DYNC1LI1: variants seen among roughly 807,000 people sequenced by gnomAD.
DYNC1LI1 encodes the protein dynein cytoplasmic 1 light intermediate chain 1, also known as cytoplasmic dynein 1 light intermediate chain 1.
Under a neutral mutation model 63.8 loss-of-function variants are expected in DYNC1LI1, and 19 were observed. The ratio of observed to expected loss-of-function variants is 0.30; its 90% confidence interval spans 0.21 to 0.44. DYNC1LI1 has a LOEUF of 0.44. Ranked by LOEUF, DYNC1LI1 falls within the 20% of genes least tolerant of loss-of-function variation. The pLI, the probability that DYNC1LI1 is intolerant of heterozygous loss-of-function variation, is 1.00. For synonymous variants in DYNC1LI1, 225 were observed against 232.3 expected (o/e 0.97, Z 0.28); for missense variants, 565 against 630.2 (o/e 0.90, Z 1.11).
chr3:32,546,623 C>G (rs535476098), intron 2 of DYNC1LI1, among the ~76,000 whole-genome samples: 1 of 152,248 alleles, frequency 6.6e-6, no homozygotes, highest in East Asian at 1.9e-4. Flanking sequence ...TTACTCTTAG[C>G]TTTCAATCTG....
At chr3:32,539,069 C>T (rs764928518) in intron 5 of DYNC1LI1, among the ~76,000 whole-genome samples, 4 of 152,070 alleles carry the variant, frequency 2.6e-5, no homozygotes, top group Admixed American at 6.6e-5. Context: ...GTAGTGCTGA[C>T]GGAACCAATG....
intron 2 of DYNC1LI1, among the ~76,000 whole-genome samples, chr3:32,550,892 C>T (rs552140848): frequency 6.5e-4 from 98 of 151,798 alleles, no homozygotes; most frequent in African/African-American, 2.3e-3. Flanking sequence ...CTTTGGGAGC[C>T]GAGGCAGGTG....
chr3:32,556,107 G>A (rs918185119), intron 2 of DYNC1LI1, among the ~76,000 whole-genome samples: 1 of 152,122 alleles, frequency 6.6e-6, no homozygotes, highest in African/African-American at 2.4e-5. Flanking sequence ...ATTTCTTTCA[G>A]GAACTTCTAG....
intron 2 of DYNC1LI1, among the ~76,000 whole-genome samples, chr3:32,546,720 A>G (rs185524101): frequency 6.6e-6 from 1 of 152,304 alleles, no homozygotes; most frequent in Admixed American, 6.5e-5. Flanking sequence ...ATGGCACATC[A>G]ATCAGTTCCC....
Position 32,526,653 on chromosome 3 carries a change from CCACACACA to C in DYNC1LI1, c.*138_*145del, listed in dbSNP as rs3836420. ...ACGGCTCCTTCTAAAAAATGGGTAACCACACACACACACACACACACACACGACATAAA... is the reference window on the plus strand; with the variant it reads ...ACGGCTCCTTCTAAAAAATGGGTAACCACACACACACACACACGACATAAA... On this transcript the variant is annotated 3_prime_UTR_variant, in exon 13 of 13. Coordinates refer to ENST00000273130, the MANE Select transcript of DYNC1LI1 (RefSeq NM_016141.4). The C allele has an allele frequency of 2.4e-4, 118 of 499,286 alleles. 2 individuals carry two copies. Among genetic ancestry groups the C allele is most frequent in the East Asian group, 1.5e-3 (49 of 31,940 alleles). The allele number at this position is 499,286 out of a possible 1,614,324, so 30.9% of individuals were successfully genotyped here. A position where few individuals can be genotyped will look rare whatever the true frequency, so the allele number is the denominator to read the frequency against.
rs10662666 is a variant in DYNC1LI1 at position 32,526,062 on chromosome 3, CAT to C, written c.*735_*736del. 3,018 of 147,978 alleles carry C rather than the reference CAT, an allele frequency of 0.02. 41 individuals carry two copies. The highest frequency in any genetic ancestry group is 0.043 in the South Asian group (200 of 4,668). 9.2% of individuals were successfully genotyped at this position (147,978 alleles called of 1,614,324 possible). The stretch of plus-strand genomic sequence containing the variant: ...AAAAGGGGGTATATTAAGGCAAAGC[CAT>C]ATATATATATATATATGTATAGACA... On this transcript the variant is annotated 3_prime_UTR_variant, in exon 13 of 13. Coordinates refer to ENST00000273130, the MANE Select transcript of DYNC1LI1 (RefSeq NM_016141.4).
At chr3:32,561,032 A>AAC (rs1346645020) in intron 2 of DYNC1LI1, among the ~76,000 whole-genome samples, 2 of 118,766 alleles carry the variant, frequency 1.7e-5, no homozygotes, top group African/African-American at 7.5e-5. Flanking sequence ...AAAAAAAAAA[A>AAC]ACAAACAAAA....
chr3:32,570,211 C>T (rs1419914657), intron 2 of DYNC1LI1, 135 bp downstream of exon 2: 4 of 787,082 alleles, frequency 5.1e-6, no homozygotes, highest in Non-Finnish European at 8.7e-6. Context: ...CAGCCATCCG[C>T]GACAGGTCGG....
intron 2 of DYNC1LI1, among the ~76,000 whole-genome samples, chr3:32,550,731 C>A (rs1413333116): frequency 6.6e-6 from 1 of 152,062 alleles, no homozygotes; most frequent in Non-Finnish European, 1.5e-5. Context: ...TGGGACCCAC[C>A]CCCTTAGTTT....
intron 2 of DYNC1LI1, among the ~76,000 whole-genome samples, chr3:32,568,636 AG>A (rs1183058826): frequency 6.6e-6 from 1 of 152,164 alleles, no homozygotes; most frequent in East Asian, 1.9e-4. Flanking sequence ...GCACAACCTC[AG>A]TGCAAATTAG....
chr3:32,547,568 A>G (rs1361394565), intron 2 of DYNC1LI1, among the ~76,000 whole-genome samples: 6 of 152,214 alleles, frequency 3.9e-5, no homozygotes, highest in Admixed American at 6.5e-5. Flanking sequence ...TACTGGGGCC[A>G]AGGTGAAGCC....
At chr3:32,568,878 G>T (rs1320159025) in intron 2 of DYNC1LI1, among the ~76,000 whole-genome samples, 1 of 152,040 alleles carries the variant, frequency 6.6e-6, no homozygotes, top group Non-Finnish European at 1.5e-5. Flanking sequence ...GTAGTAATTT[G>T]TTTAAATTAG....
chr3:32,529,975 C>T (rs1697673351), intron 10 of DYNC1LI1, among the ~76,000 whole-genome samples: 1 of 152,154 alleles, frequency 6.6e-6, no homozygotes, highest in Non-Finnish European at 1.5e-5. Context: ...GCTTTATAAT[C>T]TCAGGCAAGC....
intron 12 of DYNC1LI1, 58 bp downstream of exon 12, chr3:32,528,388 C>T: frequency 6.3e-7 from 1 of 1,591,818 alleles, no homozygotes; most frequent in Non-Finnish European, 8.6e-7. Flanking sequence ...GAGTGAACTT[C>T]ATTATATCTC....
intron 2 of DYNC1LI1, among the ~76,000 whole-genome samples, chr3:32,563,494 G>T (rs1242348527): frequency 3.9e-5 from 6 of 152,004 alleles, no homozygotes; most frequent in Non-Finnish European, 7.4e-5. Flanking sequence ...GTTTCATCAT[G>T]TTGGCCAGGC....
At chr3:32,544,645 G>GT (rs1377043400) in intron 4 of DYNC1LI1, among the ~76,000 whole-genome samples, 5 of 151,430 alleles carry the variant, frequency 3.3e-5, no homozygotes, top group African/African-American at 1.2e-4. Context: ...GCAGGTGCCC[G>GT]TAATACCAGC....
rs756967258 is a variant in DYNC1LI1, at chr3:32,526,914, T to A, written c.1463-6A>T. 6.3e-7 allele frequency: 1 copy of A among 1,594,506 alleles called. No homozygotes were observed. Among genetic ancestry groups the A allele is most frequent in the Non-Finnish European group, 8.5e-7 (1 of 1,169,894 alleles). On this transcript the variant is annotated splice_region_variant and splice_polypyrimidine_tract_variant and intron_variant, in intron 12 of 12. Transcript: ENST00000273130. ...ATCTAAGACAGGCTTCTGGCCTACA[T>A]TGAAGAAAAAGAAAAAAAACAAGAT...
intron 2 of DYNC1LI1, among the ~76,000 whole-genome samples, chr3:32,552,462 T>A (rs1319803843): frequency 1.3e-5 from 2 of 152,032 alleles, no homozygotes; most frequent in African/African-American, 4.8e-5. Context: ...GACCCCCAGC[T>A]TTTCTTCCCC....
intron 1 of DYNC1LI1, 21 bp from the exon 2 acceptor site, chr3:32,570,440 C>G: frequency 6.3e-7 from 1 of 1,578,180 alleles, no homozygotes; most frequent in Non-Finnish European, 8.6e-7. Context: ...GCAAGGCGTA[C>G]GGTGAGGCCG....
Sources: gnomAD v4.1 joint callset for allele counts (sites outside exome capture counted in the v4.1 genomes callset) on GRCh38, gnomAD v4.1.1 for gene constraint, MANE v1.5 for transcripts, NCBI Gene and HGNC (gene_info 2026-07-23, HGNC 2026-07-21) for gene names.